CNGA1: variants seen among roughly 807,000 people sequenced by gnomAD.
The protein encoded by CNGA1 is cyclic nucleotide gated channel subunit alpha 1, also known as cyclic nucleotide-gated channel alpha-1.
Under a neutral mutation model 69.7 loss-of-function variants are expected in CNGA1, and 53 were observed. The ratio of observed to expected loss-of-function variants is 0.76; its 90% CI spans 0.61 to 0.96. The LOEUF (loss-of-function observed/expected upper bound fraction) is 0.96. Among genes scored for constraint, CNGA1 ranks in the 40% least tolerant of loss-of-function variants. The pLI is 0.00. For synonymous variants in CNGA1, 249 were observed against 283.5 expected (o/e 0.88, Z 1.22); for missense variants, 739 against 811.2 (o/e 0.91, Z 1.08).
At chr4:47,984,647 A>AAAATATATATAT (rs141458781) in intron 2 of CNGA1, among the ~76,000 whole-genome samples, 1,161 of 63,972 alleles carry the variant, frequency 0.018, 7 homozygotes, top group Non-Finnish European at 0.039. Context: ...AAATAAAAAA[A>AAAATATATATAT]ATATATATAT....
chr4:48,014,372 T>A (rs1024844030), intron 1 of CNGA1, among the ~76,000 whole-genome samples: 6 of 152,078 alleles, frequency 3.9e-5, no homozygotes, highest in Non-Finnish European at 7.4e-5. Context: ...TGGTCTTAAA[T>A]GAGTTTAAAT....
At chr4:47,992,983 T>C (rs6811284) in intron 2 of CNGA1, among the ~76,000 whole-genome samples, 79,793 of 151,978 alleles carry the variant, frequency 0.53, 22,966 homozygotes, top group Non-Finnish European at 0.64. Context: ...CTTTATGTGG[T>C]GTATCACATT....
At chr4:47,942,633 C>T (rs1289086819) in intron 8 of CNGA1, among the ~76,000 whole-genome samples, 2 of 152,034 alleles carry the variant, frequency 1.3e-5, no homozygotes, top group East Asian at 1.9e-4. Flanking sequence ...AGGAACCCAG[C>T]GGGCCACACA....
intron 2 of CNGA1, among the ~76,000 whole-genome samples, chr4:47,991,330 G>T (rs1397461212): frequency 6.6e-6 from 1 of 152,112 alleles, no homozygotes; most frequent in African/African-American, 2.4e-5. Context: ...ACTATTTTCT[G>T]ATATTTTGAT....
rs185668014 is a variant in CNGA1, at chr4:48,006,218, T to C, written c.-123+4576A>G. 3.1e-4 allele frequency among the ~76,000 whole-genome samples: 47 copies of C among 152,286 alleles called. No homozygotes were observed. The East Asian group carries it at 8.1e-3, about 26-fold the overall frequency. On this transcript the variant is annotated intron_variant, in intron 2 of 10. Transcript: ENST00000514170. The stretch of plus-strand genomic sequence containing the variant: ...ACAATCTCCAATGTTATCAGAAACC[T>C]GTGTTCAAGAGCACCTGTTAGAGTT...
At chr4:47,986,954 A>C (rs531130108) in intron 2 of CNGA1, among the ~76,000 whole-genome samples, 2 of 151,548 alleles carry the variant, frequency 1.3e-5, no homozygotes, top group African/African-American at 4.9e-5. Context: ...TGATTTATCC[A>C]AGTTTAAAAG....
intron 5 of CNGA1, 127 bp downstream of exon 5, chr4:47,951,226 T>G (rs1739718964): frequency 1.5e-6 from 1 of 685,344 alleles, no homozygotes; most frequent in East Asian, 2.8e-5. Context: ...ACGCTAAGCA[T>G]GTGGGAGTTA....
chr4:47,991,234 A>G (rs1345573497), intron 2 of CNGA1, among the ~76,000 whole-genome samples: 1 of 152,306 alleles, frequency 6.6e-6, no homozygotes. Flanking sequence ...GAATCTCCAC[A>G]CTGTCTTCCA....
chr4:47,990,930 A>AT (rs1283780162), intron 2 of CNGA1, among the ~76,000 whole-genome samples: 2 of 152,192 alleles, frequency 1.3e-5, no homozygotes, highest in African/African-American at 4.8e-5. Flanking sequence ...TTCACTTAGA[A>AT]TAATAGTCAC....
chr4:47,977,022 A>G (rs1741451854), intron 3 of CNGA1, among the ~76,000 whole-genome samples: 1 of 152,146 alleles, frequency 6.6e-6, no homozygotes, highest in Non-Finnish European at 1.5e-5. Context: ...AGTAGAGGAA[A>G]TGAGCTTTCT....
At chr4:47,992,862 C>T (rs1004871461) in intron 2 of CNGA1, among the ~76,000 whole-genome samples, 22 of 151,810 alleles carry the variant, frequency 1.4e-4, no homozygotes, top group African/African-American at 5.3e-4. Context: ...TGAGGTATTT[C>T]CCTTGTATGC....
intron 2 of CNGA1, among the ~76,000 whole-genome samples, chr4:48,002,212 A>C (rs1477044036): frequency 6.6e-6 from 1 of 152,230 alleles, no homozygotes; most frequent in Non-Finnish European, 1.5e-5. Flanking sequence ...ATCAATTAAA[A>C]TTTAAAAATA....
At chr4:47,967,097 G>A (rs1740762086) in intron 3 of CNGA1, among the ~76,000 whole-genome samples, 1 of 152,096 alleles carries the variant, frequency 6.6e-6, no homozygotes, top group Non-Finnish European at 1.5e-5. Flanking sequence ...GAGGTCAGGA[G>A]TTGGAGACCA....
At chr4:48,006,490 A>G (rs1017933547) in intron 2 of CNGA1, among the ~76,000 whole-genome samples, 1 of 152,196 alleles carries the variant, frequency 6.6e-6, no homozygotes, top group Admixed American at 6.5e-5. Flanking sequence ...AATACAGCCC[A>G]AAGAAAACCA....
rs139508226 is a variant in CNGA1, at chr4:47,987,522, T to C, written c.-122-6022A>G. Among the ~76,000 whole-genome samples the C allele has an allele frequency of 2.7e-3, 407 of 152,360 alleles. 4 individuals carry two copies. Among genetic ancestry groups the C allele is most frequent in the African/African-American group, 9.3e-3 (388 of 41,588 alleles). ...ACCGTATCTCTAGCATTCAGTTTGA[T>C]ACTATGCATAGTCATTCATTCAACA... is the stretch of plus-strand genomic sequence containing the variant. On this transcript the variant is annotated intron_variant, in intron 2 of 10. Coordinates refer to ENST00000514170, the MANE Select transcript of CNGA1 (RefSeq NM_001379270.1).
At chr4:47,948,436 G>C (rs1739552508) in intron 6 of CNGA1, among the ~76,000 whole-genome samples, 2 of 152,186 alleles carry the variant, frequency 1.3e-5, no homozygotes, top group African/African-American at 4.8e-5. Flanking sequence ...TGGGAACTAT[G>C]GGGTCTAAGT....
chr4:48,012,473 T>C (rs559281503), intron 1 of CNGA1, among the ~76,000 whole-genome samples: 3 of 151,920 alleles, frequency 2.0e-5, no homozygotes, highest in South Asian at 2.1e-4. Flanking sequence ...GGTGGTGTTA[T>C]GTAAACAAAG....
At chr4:47,984,659 TATATACACACACACAC>T (rs1560305724) in intron 2 of CNGA1, among the ~76,000 whole-genome samples, 5 of 87,950 alleles carry the variant, frequency 5.7e-5, no homozygotes, top group Non-Finnish European at 1.2e-4. Context: ...TATATATATA[TATATACACACACACAC>T]ACACACACAC....
chr4:47,999,164 T>C (rs1470144197), intron 2 of CNGA1, among the ~76,000 whole-genome samples: 3 of 152,234 alleles, frequency 2.0e-5, no homozygotes, highest in African/African-American at 7.2e-5. Flanking sequence ...AAGTATATTG[T>C]TATAATTGTT....
Sources: gnomAD v4.1 joint callset for allele counts (sites outside exome capture counted in the v4.1 genomes callset) on GRCh38, gnomAD v4.1.1 for gene constraint, MANE v1.5 for transcripts, NCBI Gene and HGNC (gene_info 2026-07-23, HGNC 2026-07-21) for gene names.